Variants in AMZ1 observed in about 807,000 individuals in gnomAD.
AMZ1 encodes the protein archaemetzincin-1.
In AMZ1, 39 loss-of-function variants were observed where a neutral mutation model predicts 29.9. That is an observed-to-expected ratio of 1.30 (90% CI 1.01 to 1.70). The LOEUF (loss-of-function observed/expected upper bound fraction) is 1.70, where lower values mean the gene tolerates loss of function less well. Ranked by LOEUF, AMZ1 falls within the 40% of genes most tolerant of loss-of-function variation. The pLI is 0.00. For synonymous variants in AMZ1, 458 were observed against 304.0 expected (o/e 1.51, Z -5.27); for missense variants, 1,041 against 680.6 (o/e 1.53, Z -5.89).
In AMZ1 at chr7:2,716,768, G is replaced by A. The variant is rs1446279661; in HGVS notation, c.*3890G>A. Among the ~76,000 whole-genome samples the A allele has an allele frequency of 6.6e-6, 1 of 152,126 alleles. No individual in the cohort carries two copies. The highest frequency in any genetic ancestry group is 2.4e-5 in the African/African-American group (1 of 41,456). The stretch of plus-strand genomic sequence containing the variant: ...TGGGTCAGTCAACTCCACCGCTTAA[G>A]GGGTCCTTCCTATGTAACGGAATTT... On this transcript the variant is annotated 3_prime_UTR_variant, in exon 7 of 7. Transcript: ENST00000683327.
chr7:2,689,563 A>C (rs1787264695), intron 1 of AMZ1, among the ~76,000 whole-genome samples: 1 of 152,200 alleles, frequency 6.6e-6, no homozygotes, highest in Non-Finnish European at 1.5e-5. Flanking sequence ...CTGGGGTTCC[A>C]GTGTGAAGCG....
chr7:2,681,339 T>G (rs1483136451), intron 1 of AMZ1, among the ~76,000 whole-genome samples: 1 of 152,130 alleles, frequency 6.6e-6, no homozygotes, highest in East Asian at 1.9e-4. Flanking sequence ...TCCTCCCACC[T>G]CAGCCTCCTA....
At chr7:2,729,872 G>C (rs1211855359) in intron 4 of AMZ1, 2 of 152,420 alleles carry the variant, frequency 1.3e-5, no homozygotes, top group South Asian at 2.1e-4. Flanking sequence ...CCACCTGGCA[G>C]GTAGCTGGAC....
chr7:2,751,190 C>A (rs530713546), intron 4 of AMZ1, among the ~76,000 whole-genome samples: 1 of 152,024 alleles, frequency 6.6e-6, no homozygotes, highest in South Asian at 2.1e-4. Flanking sequence ...GAGTTCAAGA[C>A]CTGGGCAACA....
chr7:2,707,119 A>G (rs1788399696), intron 3 of AMZ1, among the ~76,000 whole-genome samples: 1 of 152,102 alleles, frequency 6.6e-6, no homozygotes. Flanking sequence ...CTAAAAATAC[A>G]AAAATTAGCT....
At chr7:2,758,721 G>C (rs1195569648) in intron 4 of AMZ1, among the ~76,000 whole-genome samples, 1 of 152,228 alleles carries the variant, frequency 6.6e-6, no homozygotes, top group African/African-American at 2.4e-5. Context: ...CCTAACAGCA[G>C]AGTCACAGCC....
intron 4 of AMZ1, chr7:2,733,335 A>C: frequency 1.2e-6 from 1 of 807,098 alleles, no homozygotes; most frequent in South Asian, 1.5e-5. Context: ...GTAATGTGAC[A>C]GAACAAGCTC....
At chr7:2,727,100 G>T (rs1366421700) in intron 4 of AMZ1, among the ~76,000 whole-genome samples, 2 of 152,052 alleles carry the variant, frequency 1.3e-5, no homozygotes, top group African/African-American at 4.8e-5. Context: ...TTACTTTTTT[G>T]GAGACAGAGT....
At chr7:2,736,121 T>C (rs1289021663) in intron 4 of AMZ1, among the ~76,000 whole-genome samples, 2 of 152,158 alleles carry the variant, frequency 1.3e-5, no homozygotes, top group Non-Finnish European at 2.9e-5. Flanking sequence ...CCCATGCATT[T>C]TCAACACTAA....
Position 2,708,628 on chromosome 7 carries a change from C to A in AMZ1, c.513C>A (p.Asp171Glu). 1 of 1,613,078 alleles carries A rather than the reference C, an allele frequency of 6.2e-7. No individual in the cohort carries two copies. The highest frequency in any genetic ancestry group is 1.1e-5 in the South Asian group (1 of 91,082). Residue 171 changes from aspartate (D) to glutamate (E), a missense_variant, in exon 4 of 7, where the codon GAC becomes GAA. Physicochemically the swap from Asp to Glu is conservative, Grantham distance 45 (BLOSUM62 2). Transcript: ENST00000683327. Reference protein sequence around the residue: ...LSFLKNNKPGDALCVLGLTLS... With the variant: ...LSFLKNNKPGEALCVLGLTLS... ...TCTTGAAGAACAACAAGCCAGGGGACGCGCTGTGTGTGCTGGGCCTCACAC... is the reference window on the plus strand; with the variant it reads ...TCTTGAAGAACAACAAGCCAGGGGAAGCGCTGTGTGTGCTGGGCCTCACAC...
intron 1 of AMZ1, among the ~76,000 whole-genome samples, chr7:2,699,776 A>G (rs1295404931): frequency 6.6e-6 from 1 of 152,088 alleles, no homozygotes. Flanking sequence ...TTTGGTTTCC[A>G]CCTGGAGGGG....
chr7:2,724,440 G>A (rs902078063), downstream of AMZ1, among the ~76,000 whole-genome samples: 2 of 152,226 alleles, frequency 1.3e-5, no homozygotes, highest in Non-Finnish European at 2.9e-5. Flanking sequence ...GGGTGCCAAG[G>A]TGACAGGCCT....
At chr7:2,698,290 C>T (rs896852265) in intron 1 of AMZ1, among the ~76,000 whole-genome samples, 10 of 152,180 alleles carry the variant, frequency 6.6e-5, no homozygotes, top group Admixed American at 6.5e-4. Flanking sequence ...GTAATCCCAG[C>T]ACTTTGGGAG....
intron 2 of AMZ1, among the ~76,000 whole-genome samples, chr7:2,701,764 C>A (rs1196902250): frequency 6.6e-6 from 1 of 152,226 alleles, no homozygotes; most frequent in Admixed American, 6.5e-5. Flanking sequence ...CCTGGCCTTG[C>A]CCCACGCAGG....
chr7:2,722,745 G>A (rs1428653812), downstream of AMZ1, among the ~76,000 whole-genome samples: 1 of 152,196 alleles, frequency 6.6e-6, no homozygotes, highest in Non-Finnish European at 1.5e-5. Context: ...GGCTGAGGTG[G>A]GAGGATCACT....
intron 4 of AMZ1, among the ~76,000 whole-genome samples, chr7:2,744,885 G>A (rs969255797): frequency 1.3e-5 from 2 of 152,172 alleles, no homozygotes; most frequent in East Asian, 3.9e-4. Context: ...GAAGCCTCAG[G>A]AGCCGATGCG....
intron 4 of AMZ1, among the ~76,000 whole-genome samples, chr7:2,739,555 T>C (rs955489749): frequency 2.6e-5 from 4 of 152,246 alleles, no homozygotes; most frequent in East Asian, 1.9e-4. Context: ...ATGAACACTT[T>C]GTTTCCAGTT....
Position 2,715,106 on chromosome 7 carries a change from C to T in AMZ1, c.*2228C>T, listed in dbSNP as rs1232689233. The T allele has an allele frequency of 1.3e-5, 2 of 152,160 alleles. No homozygotes were observed. Among genetic ancestry groups the T allele is most frequent in the African/African-American group, 2.4e-5 (1 of 41,430 alleles). The allele number at this position is 152,160 out of a possible 1,614,324, so 9.4% of individuals were successfully genotyped here. A position where few individuals can be genotyped will look rare whatever the true frequency, so the allele number is the denominator to read the frequency against. ...TCCTCACAATATGGCGGTTGCCCTC[C>T]TAAGGTGGACATCGGGAGGGTCAGA... On this transcript the variant is annotated 3_prime_UTR_variant, in exon 7 of 7. Coordinates refer to ENST00000683327, the MANE Select transcript of AMZ1 (RefSeq NM_001384743.1).
rs1275672616 is a variant in AMZ1 at position 2,718,749 on chromosome 7, A to T, written c.*5871A>T. 6.6e-6 allele frequency among the ~76,000 whole-genome samples: 1 copy of T among 152,192 alleles called. No individual in the cohort carries two copies. The highest frequency in any genetic ancestry group is 2.4e-5 in the African/African-American group (1 of 41,444). On this transcript the variant is annotated 3_prime_UTR_variant, in exon 7 of 7. Coordinates refer to ENST00000683327, the MANE Select transcript of AMZ1 (RefSeq NM_001384743.1). ...TGCAGCCGGGCTTGGTCTTGTGGTCAGGGAGAAGCGGGCAGGCCAGGGCCG... is the reference window on the plus strand; with the variant it reads ...TGCAGCCGGGCTTGGTCTTGTGGTCTGGGAGAAGCGGGCAGGCCAGGGCCG...
Sources: gnomAD v4.1 joint callset for allele counts (sites outside exome capture counted in the v4.1 genomes callset) on GRCh38, gnomAD v4.1.1 for gene constraint, MANE v1.5 for transcripts, NCBI Gene and HGNC (gene_info 2026-07-23, HGNC 2026-07-21) for gene names.